The following ARHGAP45 variants were observed in gnomAD, a reference collection of about 807,000 sequenced individuals.
ARHGAP45 encodes Rho GTPase activating protein 45.
Under a neutral mutation model 116.1 loss-of-function variants are expected in ARHGAP45, and 56 were observed. That is an observed-to-expected ratio of 0.48 (90% CI 0.39 to 0.60). The LOEUF is 0.60. Ranked by LOEUF, ARHGAP45 falls within the 20% of genes least tolerant of loss-of-function variation. The probability of loss-of-function intolerance (pLI) is 0.00; values close to 1 mark genes in which losing one functional copy is unlikely to be tolerated. For synonymous variants in ARHGAP45, 866 were observed against 701.7 expected (o/e 1.23, Z -3.70); for missense variants, 1,622 against 1,601.0 (o/e 1.01, Z -0.22).
chr19:1,074,766 C>T (rs749135764), intron 9 of ARHGAP45, 33 bp from the exon 10 acceptor site: 9 of 1,598,400 alleles, frequency 5.6e-6, no homozygotes, highest in Non-Finnish European at 6.8e-6. Context: ...GGGGTGTCAC[C>T]GGGGTACCCA....
In ARHGAP45 at chr19:1,074,350, G is replaced by A. The variant is rs780363408; in HGVS notation, c.936G>A (p.Glu312=). 6.2e-7 allele frequency: 1 copy of A among 1,609,384 alleles called. No homozygotes were observed. The highest frequency in any genetic ancestry group is 1.1e-5 in the South Asian group (1 of 90,610). Reference sequence around the variant, plus strand: ...CCCCTCTCCGGCCCGCAGAGATGGAGTTTGCCAAGGGCCTGCAGAAGATCG... The same window carrying A: ...CCCCTCTCCGGCCCGCAGAGATGGAATTTGCCAAGGGCCTGCAGAAGATCG... ...YLEKRTTLEM[E]FAKGLQKIAH... The change falls in exon 8 of 23, where the codon GAG becomes GAA. Residue 312 remains glutamate, a synonymous_variant. Coordinates refer to ENST00000313093, the MANE Select transcript of ARHGAP45 (RefSeq NM_012292.5).
In ARHGAP45 at chr19:1,081,767, C is replaced by CGAG. The variant is rs766729294; in HGVS notation, c.2379+34_2379+36dup. On this transcript the variant is annotated intron_variant, in intron 18 of 22. Coordinates refer to ENST00000313093, the MANE Select transcript of ARHGAP45 (RefSeq NM_012292.5). Reference sequence around the variant, plus strand: ...AGGCGGGGGAGGAAGCGGCTCACAGCGAGGAGGCGGGAGTGGGCCGAGGCT... The same window carrying CGAG: ...AGGCGGGGGAGGAAGCGGCTCACAGCGAGGAGGAGGCGGGAGTGGGCCGAGGCT... 2.2e-5 allele frequency: 34 copies of CGAG among 1,562,058 alleles called. No homozygotes were observed. The East Asian group carries it at 6.8e-4, about 31-fold the overall frequency.
intron 22 of ARHGAP45, among the ~76,000 whole-genome samples, chr19:1,085,209 G>T (rs556210856): frequency 1.1e-4 from 17 of 152,292 alleles, no homozygotes; most frequent in African/African-American, 4.1e-4. Context: ...ATCTTGCATG[G>T]ATGGTGGCAG....
intron 11 of ARHGAP45, among the ~76,000 whole-genome samples, chr19:1,078,383 TCCGTCCACCTCGG>T (rs1305131660): frequency 1.3e-5 from 2 of 151,996 alleles, no homozygotes; most frequent in Non-Finnish European, 2.9e-5. Flanking sequence ...GACCTCGTGA[TCCGTCCACCTCGG>T]CCTCCCAAAG....
chr19:1,073,894 G>A (rs1334541732), intron 5 of ARHGAP45, 54 bp from the exon 6 acceptor site: 3 of 1,529,524 alleles, frequency 2.0e-6, no homozygotes, highest in East Asian at 2.4e-5. Context: ...TGAAGGGTGG[G>A]CACTGCCCAG....
chr19:1,078,477 G>A (rs993716246), intron 11 of ARHGAP45, among the ~76,000 whole-genome samples: 4 of 149,674 alleles, frequency 2.7e-5, no homozygotes, highest in Non-Finnish European at 5.9e-5. Flanking sequence ...TCATTCTGTT[G>A]CCCAGGCTGG....
Position 1,077,975 on chromosome 19 carries a change from C to T in ARHGAP45, c.1304C>T (p.Pro435Leu), listed in dbSNP as rs758250463. 28 of 1,553,256 alleles carry T rather than the reference C, an allele frequency of 1.8e-5. No individual in the cohort carries two copies. Among genetic ancestry groups the T allele is most frequent in the African/African-American group, 4.1e-5 (3 of 73,144 alleles). Residue 435 changes from proline (P) to leucine (L), a missense_variant, in exon 11 of 23, where the codon CCG becomes CTG. Physicochemically the swap from Pro to Leu is moderately conservative, Grantham distance 98. Coordinates refer to ENST00000313093, the MANE Select transcript of ARHGAP45 (RefSeq NM_012292.5). Reference sequence around the variant, plus strand: ...GAGGAGGAGCAGGCTGGCAGCGCGCCGGGAGCAGGCAGCACGGCCACCAAG... The same window carrying T: ...GAGGAGGAGCAGGCTGGCAGCGCGCTGGGAGCAGGCAGCACGGCCACCAAG... ...KAEEEQAGSA[P>L]GAGSTATKTL...
Position 1,073,521 on chromosome 19 carries a change from G to A in ARHGAP45, c.581G>A (p.Ser194Asn). 6.2e-7 allele frequency: 1 copy of A among 1,613,852 alleles called. No homozygotes were observed. The highest frequency in any genetic ancestry group is 8.5e-7 in the Non-Finnish European group (1 of 1,179,910). ...TGCTTCCCAGCCTTCCATTATGAGAGCAACAATGATCTGGAGAAACAGGAG... is the reference window on the plus strand; with the variant it reads ...TGCTTCCCAGCCTTCCATTATGAGAACAACAATGATCTGGAGAAACAGGAG... ...IAKVKAFHYE[S>N]NNDLEKQEFE... is the part of the protein sequence containing the mutation. Residue 194 changes from serine (S) to asparagine (N), a missense_variant, in exon 4 of 23, where the codon AGC becomes AAC. This residue lies in a region of ARHGAP45 where 279 missense variants were observed against 311.9 expected (regional missense o/e 0.89). Coordinates refer to ENST00000313093, the MANE Select transcript of ARHGAP45 (RefSeq NM_012292.5).
In ARHGAP45 at chr19:1,081,725, C is replaced by A; in HGVS notation, c.2366C>A (p.Ala789Glu). Reference protein sequence around the residue: ...KKCVCEIERRALRTKGIYRVN... With the variant: ...KKCVCEIERRELRTKGIYRVN... ...TGCGTCTGCGAGATCGAGCGGCGGG[C>A]GCTGCGCACCAAGGTGAGGCGGGGG... The change falls in exon 18 of 23, where the codon GCG becomes GAG. Residue 789 changes from alanine (A) to glutamate (E), a missense_variant. Ala to Glu is a moderately radical substitution (Grantham distance 107, BLOSUM62 -1). Around this residue, in one of 3 missense-constraint regions of ARHGAP45, gnomAD observed 1,334 missense variants for 1,263.8 expected, o/e 1.06. Transcript: ENST00000313093. The A allele has an allele frequency of 6.4e-7, 1 of 1,566,062 alleles. No homozygotes were observed. Among genetic ancestry groups the A allele is most frequent in the East Asian group, 2.3e-5 (1 of 42,756 alleles).
rs780110472 is a variant in ARHGAP45 at position 1,081,940 on chromosome 19, C to T, written c.2496C>T (p.Val832=). 15 of 1,612,194 alleles carry T rather than the reference C, an allele frequency of 9.3e-6. No homozygotes were observed. Among genetic ancestry groups the T allele is most frequent in the African/African-American group, 6.7e-5 (5 of 74,896 alleles). ...SQASPHDISN[V]LKLYLRQLPE... is the part of the protein sequence containing the mutation. ...CCTCGCCCCACGACATCAGCAACGT[C>T]CTCAAGCTCTACCTGCGTCAGGTGA... The change falls in exon 19 of 23, where the codon GTC becomes GTT. Residue 832 remains valine, a synonymous_variant. Transcript: ENST00000313093.
intron 4 of ARHGAP45, 34 bp from the exon 5 acceptor site, chr19:1,073,640 G>A: frequency 1.2e-6 from 2 of 1,611,134 alleles, no homozygotes; most frequent in Non-Finnish European, 1.7e-6. Flanking sequence ...GGGGGCCCGG[G>A]TGTCTCTCGA....
intron 17 of ARHGAP45, 24 bp downstream of exon 17, chr19:1,081,088 A>G (rs1301506637): frequency 6.3e-7 from 1 of 1,586,564 alleles, no homozygotes; most frequent in Non-Finnish European, 8.6e-7. Context: ...CCCGACGGAC[A>G]GCTGGGAGCC....
chr19:1,085,207 T>C (rs2043570567), intron 22 of ARHGAP45, among the ~76,000 whole-genome samples: 1 of 152,164 alleles, frequency 6.6e-6, no homozygotes, highest in South Asian at 2.1e-4. Context: ...ACATCTTGCA[T>C]GGATGGTGGC....
chr19:1,085,722 T>C lies in ARHGAP45; in HGVS notation c.3127T>C (p.Ser1043Pro), dbSNP rs1006100844. The C allele has an allele frequency of 6.2e-7, 1 of 1,610,208 alleles. No homozygotes were observed. Among genetic ancestry groups the C allele is most frequent in the Non-Finnish European group, 8.5e-7 (1 of 1,178,696 alleles). The change falls in exon 23 of 23, where the codon TCA (serine) becomes CCA (proline). Residue 1043 changes from serine to proline, a missense_variant. By Grantham distance (74) the Ser-to-Pro change is moderately conservative (BLOSUM62 -1). Transcript: ENST00000313093. ...DLEEASELLS[S>P]SEASALGHLS... ...AGAGGAGGCCTCCGAGCTGCTGTCC[T>C]CATCGGAGGCCAGTGCCCTGGGCCA...
intron 22 of ARHGAP45, 38 bp downstream of exon 22, chr19:1,084,384 TGGCGTGTGCCACCCATG>T: frequency 6.6e-7 from 1 of 1,525,924 alleles, no homozygotes. Context: ...CAAGGGAGGC[TGGCGTGTGCCACCCATG>T]GGCGCAGGTG....
chr19:1,080,704 G>A lies in ARHGAP45; in HGVS notation c.1935G>A (p.Arg645=). 1 of 1,613,560 alleles carries A rather than the reference G, an allele frequency of 6.2e-7. No individual in the cohort carries two copies. The highest frequency in any genetic ancestry group is 8.5e-7 in the Non-Finnish European group (1 of 1,179,966). The change falls in exon 16 of 23, where the codon CGG becomes CGA. Residue 645 remains arginine (R), a synonymous_variant. Coordinates refer to ENST00000313093, the MANE Select transcript of ARHGAP45 (RefSeq NM_012292.5). ...PGAGDFKKFE[R]TSSSGTMSST... is the part of the protein sequence containing the mutation. ...CAGGGGACTTTAAGAAGTTCGAGCG[G>A]ACGTCATCCAGTGGTACCATGTCGT...
At chr19:1,079,212 G>A (rs1270354319) in intron 11 of ARHGAP45, among the ~76,000 whole-genome samples, 4 of 149,138 alleles carry the variant, frequency 2.7e-5, no homozygotes, top group Non-Finnish European at 5.9e-5. Flanking sequence ...TAAAGATGGG[G>A]GTCTCAGGCT....
intron 10 of ARHGAP45, among the ~76,000 whole-genome samples, chr19:1,076,560 G>A (rs1233715868): frequency 7.6e-6 from 1 of 131,148 alleles, no homozygotes; most frequent in Non-Finnish European, 1.5e-5. Context: ...GCAGTGGATC[G>A]ATCTCAGCTC....
chr19:1,072,883 C>G (rs141613849), intron 2 of ARHGAP45, among the ~76,000 whole-genome samples: 8 of 152,180 alleles, frequency 5.3e-5, no homozygotes, highest in African/African-American at 1.9e-4. Context: ...GGACAAGAGG[C>G]AGTTTGCTTT....
Sources: gnomAD v4.1 joint callset for allele counts (sites outside exome capture counted in the v4.1 genomes callset) on GRCh38, gnomAD v4.1.1 for gene constraint, gnomAD v4.1.1 regional missense constraint, MANE v1.5 for transcripts, NCBI Gene and HGNC (gene_info 2026-07-23, HGNC 2026-07-21) for gene names.